The following MAMDC2 variants were observed in gnomAD, a reference collection of about 807,000 sequenced individuals.
MAMDC2 encodes MAM domain containing 2.
Under a neutral mutation model 89.8 loss-of-function variants are expected in MAMDC2, and 57 were observed. That is an observed-to-expected ratio of 0.63 (90% CI 0.51 to 0.79). The LOEUF (loss-of-function observed/expected upper bound fraction) is 0.79. Ranked by LOEUF, MAMDC2 falls within the 30% of genes least tolerant of loss-of-function variation. The pLI is 0.00. For synonymous variants in MAMDC2, 313 were observed against 293.4 expected (o/e 1.07, Z -0.68); for missense variants, 800 against 820.6 (o/e 0.97, Z 0.31).
intron 2 of MAMDC2, among the ~76,000 whole-genome samples, chr9:70,055,686 T>G (rs1827010834): frequency 6.6e-6 from 1 of 152,164 alleles, no homozygotes; most frequent in South Asian, 2.1e-4. Flanking sequence ...GACAGAGAAA[T>G]GTAGTTTTTA....
chr9:70,187,969 C>G (rs2032794315), intron 11 of MAMDC2, among the ~76,000 whole-genome samples: 1 of 152,156 alleles, frequency 6.6e-6, no homozygotes, highest in South Asian at 2.1e-4. Flanking sequence ...CAGACTTTTT[C>G]AAAGTGGCTG....
At chr9:70,182,676 G>C (rs2032669676) in intron 11 of MAMDC2, among the ~76,000 whole-genome samples, 2 of 152,082 alleles carry the variant, frequency 1.3e-5, no homozygotes, top group Non-Finnish European at 2.9e-5. Context: ...ATGGTAGTTT[G>C]TATTTCTGTA....
At chr9:70,198,601 C>CCTGATCCTA (rs1202662541) in intron 11 of MAMDC2, among the ~76,000 whole-genome samples, 2 of 152,062 alleles carry the variant, frequency 1.3e-5, no homozygotes, top group African/African-American at 4.8e-5. Context: ...GTTCTCTCTC[C>CCTGATCCTA]CTGATCCTAC....
At chr9:70,099,688 G>A (rs1490627163) in intron 2 of MAMDC2, among the ~76,000 whole-genome samples, 1 of 152,104 alleles carries the variant, frequency 6.6e-6, no homozygotes, top group Non-Finnish European at 1.5e-5. Flanking sequence ...CAGAAAGGTA[G>A]GGCAGGCCAG....
At chr9:70,057,859 A>G (rs1827059599) in intron 2 of MAMDC2, among the ~76,000 whole-genome samples, 1 of 152,196 alleles carries the variant, frequency 6.6e-6, no homozygotes, top group Non-Finnish European at 1.5e-5. Context: ...ATTCTCCTTT[A>G]AGTTTCCATC....
At chr9:70,087,879 T>C (rs1483594226) in intron 2 of MAMDC2, among the ~76,000 whole-genome samples, 1 of 152,204 alleles carries the variant, frequency 6.6e-6, no homozygotes, top group Non-Finnish European at 1.5e-5. Flanking sequence ...TTGCTACTTC[T>C]GTAGGTCCCC....
intron 1 of MAMDC2, 84 bp from the exon 2 acceptor site, chr9:70,044,500 A>C: frequency 9.1e-7 from 1 of 1,099,248 alleles, no homozygotes; most frequent in Admixed American, 2.1e-5. Flanking sequence ...CCCCACTTTC[A>C]CCAGGTAGTC....
intron 2 of MAMDC2, chr9:70,083,740 C>A (rs1827707575): frequency 6.7e-6 from 1 of 149,378 alleles, no homozygotes; most frequent in Non-Finnish European, 1.5e-5. Context: ...AAGCCAAAGT[C>A]CAGCCTATCA....
intron 9 of MAMDC2, among the ~76,000 whole-genome samples, chr9:70,155,224 C>T (rs2031717649): frequency 6.6e-6 from 1 of 152,128 alleles, no homozygotes; most frequent in Non-Finnish European, 1.5e-5. Context: ...GACTTTTCCT[C>T]GTCCCCCATC....
At chr9:70,088,282 A>G (rs953282110) in intron 2 of MAMDC2, 2 of 152,156 alleles carry the variant, frequency 1.3e-5, no homozygotes, top group African/African-American at 4.8e-5. Context: ...AAAGGTAAGA[A>G]CAATGGGGGA....
intron 2 of MAMDC2, among the ~76,000 whole-genome samples, chr9:70,071,320 C>T (rs1827403151): frequency 6.6e-6 from 1 of 152,150 alleles, no homozygotes; most frequent in Non-Finnish European, 1.5e-5. Flanking sequence ...TGTGCTACAG[C>T]CCAGGGGTTC....
chr9:70,050,021 T>G (rs552801427), intron 2 of MAMDC2, among the ~76,000 whole-genome samples: 2 of 152,320 alleles, frequency 1.3e-5, no homozygotes, highest in African/African-American at 4.8e-5. Flanking sequence ...GTCTCCACTC[T>G]GGGTTCTAAA....
intron 5 of MAMDC2, among the ~76,000 whole-genome samples, chr9:70,117,218 T>TA (rs1377241399): frequency 6.6e-6 from 1 of 152,188 alleles, no homozygotes; most frequent in Non-Finnish European, 1.5e-5. Context: ...CATTCTTGCA[T>TA]ACCCTGGTGA....
chr9:70,095,367 T>C (rs1436306677), intron 2 of MAMDC2, among the ~76,000 whole-genome samples: 3 of 152,154 alleles, frequency 2.0e-5, no homozygotes, highest in African/African-American at 7.2e-5. Flanking sequence ...CAGAAGGGCA[T>C]TGGAATAATC....
intron 2 of MAMDC2, among the ~76,000 whole-genome samples, chr9:70,076,372 G>C (rs996710198): frequency 6.6e-6 from 1 of 151,866 alleles, no homozygotes; most frequent in Non-Finnish European, 1.5e-5. Flanking sequence ...AGTGAGCCAA[G>C]GTCACACTAG....
At chr9:70,047,691 A>T (rs750600767) in intron 2 of MAMDC2, among the ~76,000 whole-genome samples, 2 of 152,186 alleles carry the variant, frequency 1.3e-5, no homozygotes, top group African/African-American at 4.8e-5. Flanking sequence ...TTATATGTCC[A>T]TGGTCCGTAG....
chr9:70,136,600 TTTC>T (rs1273411722), intron 7 of MAMDC2, among the ~76,000 whole-genome samples: 2 of 152,246 alleles, frequency 1.3e-5, no homozygotes, highest in African/African-American at 4.8e-5. Context: ...TTAAGATTCA[TTTC>T]TTCTTCTCCC....
chr9:70,066,347 A>C (rs1056454701), intron 2 of MAMDC2, among the ~76,000 whole-genome samples: 2 of 152,200 alleles, frequency 1.3e-5, no homozygotes, highest in Non-Finnish European at 2.9e-5. Context: ...AAGACAGAGT[A>C]GTAGAAAATG....
At chr9:70,204,671 A>C (rs4507832) in intron 11 of MAMDC2, among the ~76,000 whole-genome samples, 15,415 of 151,096 alleles carry the variant, frequency 0.1, 664 homozygotes, top group East Asian at 0.13. Flanking sequence ...GGCGCCTTGC[A>C]GTTTGATCTC....
Sources: gnomAD v4.1 joint callset for allele counts (sites outside exome capture counted in the v4.1 genomes callset) on GRCh38, gnomAD v4.1.1 for gene constraint, MANE v1.5 for transcripts, NCBI Gene and HGNC (gene_info 2026-07-23, HGNC 2026-07-21) for gene names.